The following EPHA6 variants were observed in gnomAD, a reference collection of about 807,000 sequenced individuals.
EPHA6 encodes the protein EPH receptor A6.
In EPHA6, 50 loss-of-function variants were observed where a neutral mutation model predicts 112.0. The observed-to-expected ratio is 0.45, with a 90% CI of 0.36 to 0.56. EPHA6 has a LOEUF of 0.56. EPHA6 is among the 20% of genes least tolerant of loss of function. EPHA6 has a pLI of 0.00. For missense variants in EPHA6, 1,280 were observed against 1,417.4 expected, an observed-to-expected ratio of 0.90 and a Z score of 1.56; for synonymous variants, 529 against 490.7, an observed-to-expected ratio of 1.08 and a Z score of -1.03.
rs34614714 is a variant in EPHA6, at chr3:97,084,654, C to A, written c.1114+96661C>A. ...TGGAACACAATCCTATTTACAATAG[C>A]CACAAAAAGAGTAAAATACCTAGAA... is the stretch of plus-strand genomic sequence containing the variant. On this transcript the variant is annotated intron_variant, in intron 3 of 17. Coordinates refer to ENST00000389672, the MANE Select transcript of EPHA6 (RefSeq NM_001080448.3). 9.0e-3 allele frequency among the ~76,000 whole-genome samples: 1,367 copies of A among 152,002 alleles called. 7 individuals carry two copies. Among genetic ancestry groups the A allele is most frequent in the Non-Finnish European group, 0.015 (1,003 of 67,952 alleles).
chr3:96,993,510 G>A (rs536788441), intron 3 of EPHA6, among the ~76,000 whole-genome samples: 78 of 152,124 alleles, frequency 5.1e-4, no homozygotes, highest in Middle Eastern at 3.4e-3. Context: ...TGGGATTACA[G>A]GCATGAGCCA....
chr3:97,454,504 A>C (rs988490766), intron 7 of EPHA6, among the ~76,000 whole-genome samples: 2 of 151,858 alleles, frequency 1.3e-5, no homozygotes, highest in African/African-American at 4.8e-5. Flanking sequence ...AAAAAGAAAG[A>C]ATCAGATAAT....
intron 5 of EPHA6, among the ~76,000 whole-genome samples, chr3:97,275,067 G>T (rs756383591): frequency 6.6e-6 from 1 of 152,180 alleles, no homozygotes; most frequent in Non-Finnish European, 1.5e-5. Context: ...GCCGCTGAAC[G>T]CAAACATGAG....
At chr3:97,387,607 A>G (rs2086147039) in intron 5 of EPHA6, among the ~76,000 whole-genome samples, 1 of 152,136 alleles carries the variant, frequency 6.6e-6, no homozygotes, top group Non-Finnish European at 1.5e-5. Context: ...TTTGGTCACA[A>G]CAATTTAACA....
In EPHA6 at chr3:97,286,753, A is replaced by AT. The variant is rs1199216021; in HGVS notation, c.1606+42475dup. ...TTTTTAAATTCCAAACAAATTTTAG[A>AT]TTTTTTTTTCTAGTTCTGTGAAAAA... On this transcript the variant is annotated intron_variant, in intron 5 of 17. Coordinates refer to ENST00000389672, the MANE Select transcript of EPHA6 (RefSeq NM_001080448.3). Among the ~76,000 whole-genome samples the AT allele has an allele frequency of 4.7e-5, 7 of 147,876 alleles. No homozygotes were observed. The East Asian group carries it at 8.0e-4, about 17-fold the overall frequency.
At chr3:97,100,126 A>C (rs2047359367) in intron 3 of EPHA6, among the ~76,000 whole-genome samples, 1 of 151,854 alleles carries the variant, frequency 6.6e-6, no homozygotes, top group African/African-American at 2.4e-5. Flanking sequence ...AGCAAAACAA[A>C]GTTAATAAAG....
Position 97,683,241 on chromosome 3 carries a change from T to G in EPHA6, c.2785-37020T>G, listed in dbSNP as rs183488183. On this transcript the variant is annotated intron_variant, in intron 14 of 17. Coordinates refer to ENST00000389672, the MANE Select transcript of EPHA6 (RefSeq NM_001080448.3). The stretch of plus-strand genomic sequence containing the variant: ...TCCTGTGAATATGTATAATTTTAAT[T>G]GAATTACAGTGATATTTTAGTTTCC... Among the ~76,000 whole-genome samples the G allele has an allele frequency of 2.1e-4, 32 of 152,272 alleles. No individual in the cohort carries two copies. In the East Asian group the frequency reaches 6.2e-3, roughly 29 times the overall value.
chr3:96,828,359 A>AATTT (rs2033801553), intron 1 of EPHA6, among the ~76,000 whole-genome samples: 1 of 152,136 alleles, frequency 6.6e-6, no homozygotes, highest in Admixed American at 6.6e-5. Flanking sequence ...ATTTACAAAG[A>AATTT]GCAAAGGAAT....
chr3:97,260,713 A>T (rs1254806108), intron 5 of EPHA6, among the ~76,000 whole-genome samples: 2 of 152,226 alleles, frequency 1.3e-5, no homozygotes, highest in Admixed American at 1.3e-4. Context: ...CCACAGCAAC[A>T]TCTCTGAGCA....
intron 3 of EPHA6, among the ~76,000 whole-genome samples, chr3:97,185,155 G>A (rs1221621796): frequency 6.6e-6 from 1 of 152,126 alleles, no homozygotes; most frequent in Non-Finnish European, 1.5e-5. Context: ...ATAGGCATGG[G>A]CAAGGACTTC....
intron 5 of EPHA6, among the ~76,000 whole-genome samples, chr3:97,403,250 A>G (rs2087109215): frequency 6.6e-6 from 1 of 152,088 alleles, no homozygotes; most frequent in Admixed American, 6.5e-5. Context: ...ATTTTTAAAT[A>G]AGAAAAAAGT....
At chr3:96,907,754 A>C (rs1390796032) in intron 2 of EPHA6, among the ~76,000 whole-genome samples, 2 of 151,860 alleles carry the variant, frequency 1.3e-5, no homozygotes, top group Admixed American at 1.3e-4. Context: ...TAATATGAAA[A>C]AATAATTTAC....
At chr3:96,879,162 A>G (rs557389407) in intron 2 of EPHA6, among the ~76,000 whole-genome samples, 17 of 152,182 alleles carry the variant, frequency 1.1e-4, no homozygotes, top group African/African-American at 4.1e-4. Flanking sequence ...GAGGGAAACT[A>G]TGAATGTTAC....
rs541616769 is a variant in EPHA6 at position 97,757,004 on chromosome 3, A to C, written c.*8303A>C. 2.6e-5 allele frequency among the ~76,000 whole-genome samples: 4 copies of C among 151,988 alleles called. No individual in the cohort carries two copies. In the East Asian group the frequency reaches 7.7e-4, roughly 29 times the overall value. ...GAATTTTGAAGGAATAATTTTTAACAGTCTTTGTTTCTTAAAATGTTAATT... is the reference window on the plus strand; with the variant it reads ...GAATTTTGAAGGAATAATTTTTAACCGTCTTTGTTTCTTAAAATGTTAATT... On this transcript the variant is annotated 3_prime_UTR_variant, in exon 18 of 18. Transcript: ENST00000389672.
chr3:97,045,834 A>C (rs2045486201), intron 3 of EPHA6, among the ~76,000 whole-genome samples: 1 of 152,050 alleles, frequency 6.6e-6, no homozygotes, highest in African/African-American at 2.4e-5. Context: ...ATGTGGGTAC[A>C]TATCATGGTG....
At chr3:97,153,668 T>A (rs2076221749) in intron 3 of EPHA6, among the ~76,000 whole-genome samples, 1 of 152,140 alleles carries the variant, frequency 6.6e-6, no homozygotes, top group South Asian at 2.1e-4. Flanking sequence ...ATAATTGATA[T>A]CTAATAAAAT....
At chr3:97,029,635 G>T (rs748470865) in intron 3 of EPHA6, among the ~76,000 whole-genome samples, 5 of 152,188 alleles carry the variant, frequency 3.3e-5, no homozygotes, top group African/African-American at 7.2e-5. Flanking sequence ...ATTAATGGGG[G>T]TGATAGTAAT....
At chr3:96,932,375 A>G (rs1469907138) in intron 2 of EPHA6, among the ~76,000 whole-genome samples, 4 of 152,208 alleles carry the variant, frequency 2.6e-5, no homozygotes, top group African/African-American at 9.6e-5. Flanking sequence ...AAAATTTTCA[A>G]AATAAATATT....
chr3:97,060,923 CAAA>C (rs71623565), intron 3 of EPHA6, among the ~76,000 whole-genome samples: 1 of 21,224 alleles, frequency 4.7e-5, no homozygotes, highest in Admixed American at 5.1e-4. Context: ...GACTCCGTCT[CAAA>C]AAAAAAAAAA....
Sources: gnomAD v4.1 joint callset for allele counts (sites outside exome capture counted in the v4.1 genomes callset) on GRCh38, gnomAD v4.1.1 for gene constraint, MANE v1.5 for transcripts, NCBI Gene and HGNC (gene_info 2026-07-23, HGNC 2026-07-21) for gene names.